Variants in UGP2 observed in about 807,000 individuals in gnomAD.
UGP2 encodes UDP-glucose pyrophosphorylase 2.
A neutral mutation model predicts 49.0 loss-of-function variants in UGP2; 40 were observed. The ratio of observed to expected loss-of-function variants is 0.82; its 90% CI spans 0.63 to 1.06. The LOEUF (loss-of-function observed/expected upper bound fraction) is 1.06, where lower values mean the gene tolerates loss of function less well. Ranked by LOEUF, UGP2 falls within the 50% of genes least tolerant of loss-of-function variation. The pLI is 0.00. For synonymous variants in UGP2, 225 were observed against 213.0 expected, an observed-to-expected ratio of 1.06 and a Z score of -0.49; for missense variants, 460 against 603.5, an observed-to-expected ratio of 0.76 and a Z score of 2.49.
chr2:63,890,238 ATTT>A, intron 9 of UGP2, 53 bp downstream of exon 9: 1 of 1,316,596 alleles, frequency 7.6e-7, no homozygotes, highest in East Asian at 2.4e-5. Context: ...TATAGGTCTC[ATTT>A]TCTAGTCATA....
At chr2:63,848,216 G>C (rs1391314718) in intron 1 of UGP2, among the ~76,000 whole-genome samples, 1 of 152,128 alleles carries the variant, frequency 6.6e-6, no homozygotes, top group Non-Finnish European at 1.5e-5. Flanking sequence ...GACTGTTGCC[G>C]TTTTGACATA....
chr2:63,873,741 A>G (rs1575836815), intron 3 of UGP2, among the ~76,000 whole-genome samples: 1 of 152,118 alleles, frequency 6.6e-6, no homozygotes, highest in East Asian at 1.9e-4. Context: ...GTGGAAGGTA[A>G]AAAAGGTCAA....
chr2:63,846,163 T>C (rs1219419758), intron 1 of UGP2: 2 of 152,242 alleles, frequency 1.3e-5, no homozygotes, highest in African/African-American at 4.8e-5. Context: ...CCCCCAGTTA[T>C]TCTAAATGGA....
At chr2:63,887,285 T>G in intron 7 of UGP2, 117 bp from the exon 8 acceptor site, 1 of 1,465,080 alleles carries the variant, frequency 6.8e-7, no homozygotes, top group East Asian at 2.3e-5. Flanking sequence ...AAAAATTTTT[T>G]TTTTTCCATC....
At chr2:63,868,467 G>C (rs1467482673) in intron 3 of UGP2, among the ~76,000 whole-genome samples, 1 of 152,188 alleles carries the variant, frequency 6.6e-6, no homozygotes, top group African/African-American at 2.4e-5. Flanking sequence ...GGTAGTGTGA[G>C]CATATCAGCT....
intron 1 of UGP2, among the ~76,000 whole-genome samples, chr2:63,850,416 A>T (rs1182318998): frequency 2.0e-5 from 3 of 152,214 alleles, no homozygotes; most frequent in Admixed American, 6.5e-5. Context: ...CTTTAGTATG[A>T]AAAGATCATA....
intron 3 of UGP2, among the ~76,000 whole-genome samples, chr2:63,859,461 T>A (rs1669683656): frequency 1.3e-5 from 2 of 152,168 alleles, no homozygotes; most frequent in African/African-American, 4.8e-5. Context: ...GAGAAATCTA[T>A]CTTTTGTACT....
Position 63,887,528 on chromosome 2 carries a change from G to T in UGP2, c.1198G>T (p.Asp400Tyr). The stretch of plus-strand genomic sequence containing the variant: ...TTTTCTGCCTGTCAAAACCACATCA[G>T]ATCTCTTGCTGGTGATGTCAAACCT... ...SRFLPVKTTS[D>Y]LLLVMSNLYS... Residue 400 changes from aspartate (D) to tyrosine (Y), a missense_variant, in exon 8 of 10, where the codon GAT becomes TAT. Physicochemically the swap from Asp to Tyr is radical, Grantham distance 160. Transcript: ENST00000337130. 1 of 1,614,084 alleles carries T rather than the reference G, an allele frequency of 6.2e-7. No homozygotes were observed. The highest frequency in any genetic ancestry group is 1.3e-5 in the African/African-American group (1 of 75,036).
intron 3 of UGP2, chr2:63,862,764 T>A: frequency 4.4e-6 from 2 of 453,978 alleles, no homozygotes; most frequent in Non-Finnish European, 8.8e-6. Flanking sequence ...TCCCTCCAAT[T>A]CCAATTTCCA....
At chr2:63,842,716 A>C in intron 1 of UGP2, 1 of 981,188 alleles carries the variant, frequency 1.0e-6, no homozygotes, top group Non-Finnish European at 1.4e-6. Context: ...AGCCCGAAGA[A>C]GCTGGAGGTC....
intron 3 of UGP2, chr2:63,862,988 C>T (rs1310434582): frequency 1.3e-5 from 5 of 386,410 alleles, no homozygotes; most frequent in African/African-American, 2.1e-5. Context: ...AGTCATCTAC[C>T]TTTGTCCTTT....
chr2:63,859,606 C>G (rs748195700), intron 3 of UGP2, among the ~76,000 whole-genome samples: 1 of 152,038 alleles, frequency 6.6e-6, no homozygotes, highest in African/African-American at 2.4e-5. Context: ...CTGATAAATT[C>G]TTTCAGGAGG....
intron 1 of UGP2, among the ~76,000 whole-genome samples, chr2:63,847,553 G>A (rs1048013818): frequency 2.6e-5 from 4 of 152,136 alleles, no homozygotes; most frequent in Non-Finnish European, 4.4e-5. Flanking sequence ...GGCTGAGTCC[G>A]AAAAGAGAGT....
intron 1 of UGP2, among the ~76,000 whole-genome samples, chr2:63,853,539 C>T (rs1448049612): frequency 6.6e-6 from 1 of 152,110 alleles, no homozygotes; most frequent in Non-Finnish European, 1.5e-5. Flanking sequence ...TGGGACTGAT[C>T]AGACAGAGGT....
At chr2:63,888,810 C>T (rs567838065) in intron 8 of UGP2, 2 of 152,302 alleles carry the variant, frequency 1.3e-5, no homozygotes, top group South Asian at 2.1e-4. Context: ...AGCGTTATAA[C>T]AAAGTAACAT....
chr2:63,858,762 A>G (rs1231924357), intron 3 of UGP2, among the ~76,000 whole-genome samples: 1 of 152,018 alleles, frequency 6.6e-6, no homozygotes, highest in African/African-American at 2.4e-5. Flanking sequence ...AAGAGTTAGA[A>G]TTCTTCTGGA....
chr2:63,890,888 T>G (rs779195202), intron 9 of UGP2, among the ~76,000 whole-genome samples: 2 of 152,200 alleles, frequency 1.3e-5, no homozygotes, highest in Non-Finnish European at 2.9e-5. Context: ...TTCCCGCTCT[T>G]AGTTCTACCT....
intron 3 of UGP2, among the ~76,000 whole-genome samples, chr2:63,870,522 C>G (rs929064326): frequency 1.3e-5 from 2 of 152,070 alleles, no homozygotes. Context: ...GTCTATTGAT[C>G]CAGTATTTTA....
intron 8 of UGP2, chr2:63,888,520 T>C (rs1671846998): frequency 1.3e-5 from 2 of 152,246 alleles, no homozygotes; most frequent in African/African-American, 4.8e-5. Context: ...GACTCACTTA[T>C]TCCAGTTCAG....
Sources: allele counts gnomAD v4.1 joint callset (sites outside exome capture counted in the v4.1 genomes callset), GRCh38; gene constraint gnomAD v4.1.1; transcripts MANE v1.5; gene names NCBI Gene and HGNC (gene_info 2026-07-23, HGNC 2026-07-21).